ZAP70: variants seen among roughly 807,000 people sequenced by gnomAD.
The protein encoded by ZAP70 is tyrosine-protein kinase ZAP-70.
Under a neutral mutation model 65.8 loss-of-function variants are expected in ZAP70, and 27 were observed. That is an observed-to-expected ratio of 0.41 (90% CI 0.30 to 0.57). The LOEUF (loss-of-function observed/expected upper bound fraction) is 0.57, where lower values mean the gene tolerates loss of function less well. ZAP70 is among the 20% of genes least tolerant of loss of function. The pLI is 0.28. For synonymous variants in ZAP70, 363 were observed against 360.8 expected (o/e 1.01, Z -0.07); for missense variants, 696 against 870.5 (o/e 0.80, Z 2.52).
the ZAP70 span, among the ~76,000 whole-genome samples, chr2:97,749,251 C>T: frequency 3.9e-5 from 6 of 152,130 alleles, no homozygotes; most frequent in South Asian, 2.1e-4. Context: ...CCTCGGGATC[C>T]GCCTGCCTCG....
At chr2:97,743,675 CTT>C (rs1678183927), downstream of ZAP70, among the ~76,000 whole-genome samples, 1 of 152,162 alleles carries the variant, frequency 6.6e-6, no homozygotes, top group Admixed American at 6.5e-5. Context: ...TTCTTTATCT[CTT>C]TGAGTTTTTA....
chr2:97,747,815 G>GTTTTT, the ZAP70 span, among the ~76,000 whole-genome samples: 189 of 54,798 alleles, frequency 3.4e-3, 22 homozygotes, highest in Middle Eastern at 0.024. Context: ...CTGGCACGAG[G>GTTTTT]TTTTTTTTTT....
At chr2:97,749,432 T>C in the ZAP70 span, among the ~76,000 whole-genome samples, 1 of 152,178 alleles carries the variant, frequency 6.6e-6, no homozygotes, top group African/African-American at 2.4e-5. Context: ...GACAAGGGAA[T>C]GATGGCAATA....
the ZAP70 span, among the ~76,000 whole-genome samples, chr2:97,751,290 G>C: frequency 6.6e-6 from 1 of 152,124 alleles, no homozygotes; most frequent in Non-Finnish European, 1.5e-5. Context: ...CGTAGAGGCG[G>C]GTGTGTTTTG....
intron 2 of ZAP70, among the ~76,000 whole-genome samples, chr2:97,719,037 G>A (rs1677059017): frequency 6.6e-6 from 1 of 152,154 alleles, no homozygotes; most frequent in Admixed American, 6.5e-5. Flanking sequence ...AGAGGGCTGG[G>A]GAGATCCAAT....
Position 97,737,899 on chromosome 2 carries a change from C to T in ZAP70, c.1623+2C>T. The T allele has an allele frequency of 6.2e-7, 1 of 1,614,106 alleles. No individual in the cohort carries two copies. ...TCCTACGGCCAGAAGCCCTACAAGGCAGGCGCGGGCAGAGGCAGGTGGGCG... is the reference window on the plus strand; with the variant it reads ...TCCTACGGCCAGAAGCCCTACAAGGTAGGCGCGGGCAGAGGCAGGTGGGCG... On this transcript the variant is annotated splice_donor_variant, in intron 12 of 13. Transcript: ENST00000264972. LOFTEE classifies it low-confidence loss of function (GC_TO_GT_DONOR). This position sits in a 1 kb window ranked among gnomAD's most constrained non-coding sequence, Gnocchi z 5.0.
At chr2:97,739,137 G>A (rs985734986) in intron 13 of ZAP70, among the ~76,000 whole-genome samples, 3 of 152,146 alleles carry the variant, frequency 2.0e-5, no homozygotes, top group Admixed American at 2.0e-4. Context: ...CTCGGTAGAG[G>A]GGTCATCCCA....
Position 97,717,082 on chromosome 2 carries a change from C to T in ZAP70, c.-22+3088C>T, listed in dbSNP as rs183716791. Among the ~76,000 whole-genome samples the T allele has an allele frequency of 6.6e-5, 10 of 152,352 alleles. No homozygotes were observed. In the East Asian group the frequency reaches 1.2e-3, roughly 18 times the overall value. On this transcript the variant is annotated intron_variant, in intron 2 of 13. Coordinates refer to ENST00000264972, the MANE Select transcript of ZAP70 (RefSeq NM_001079.4). ...GTGGCTCATGGCGTCACCAAGCTGGCGTGTGCTGACGACCAGTGCCTATGC... is the reference window on the plus strand; with the variant it reads ...GTGGCTCATGGCGTCACCAAGCTGGTGTGTGCTGACGACCAGTGCCTATGC...
At position 97,735,495 on chromosome 2, in the gene ZAP70, C is replaced by T. The variant is rs752596486; in HGVS notation, c.1289+39C>T. 6 of 1,589,144 alleles carry T rather than the reference C, an allele frequency of 3.8e-6. No homozygotes were observed. In the Admixed American group the frequency reaches 8.5e-5, roughly 23 times the overall value. On this transcript the variant is annotated intron_variant, in intron 10 of 13. Coordinates refer to ENST00000264972, the MANE Select transcript of ZAP70 (RefSeq NM_001079.4). ...GGGCCCGGCCATCGGGTGGGTGGGGCCGGGGCCCATCCTGGGCATGGTGGA... is the reference window on the plus strand; with the variant it reads ...GGGCCCGGCCATCGGGTGGGTGGGGTCGGGGCCCATCCTGGGCATGGTGGA...
rs113688581 is a variant in ZAP70 at position 97,734,302 on chromosome 2, C to T, written c.890-218C>T. The T allele has an allele frequency of 1.6e-5, 22 of 1,355,784 alleles. No homozygotes were observed. The African/African-American group carries it at 2.1e-4, about 13-fold the overall frequency. The allele number at this position is 1,355,784 out of a possible 1,614,324, so 84.0% of individuals were successfully genotyped here. A position where few individuals can be genotyped will look rare whatever the true frequency, so the allele number is the denominator to read the frequency against. On this transcript the variant is annotated intron_variant, in intron 8 of 13. Transcript: ENST00000264972. ...ATACCAATGCACACGCCCCTAGAGT[C>T]CACCCTCATGTGGCTTCATGGGGCA...
chr2:97,722,244 C>A (rs1404818028), intron 2 of ZAP70, among the ~76,000 whole-genome samples: 1 of 151,938 alleles, frequency 6.6e-6, no homozygotes, highest in Non-Finnish European at 1.5e-5. Flanking sequence ...CCACCTCTGG[C>A]TAATTTTTTG....
In ZAP70 at chr2:97,734,677, T is replaced by C; in HGVS notation, c.1047T>C (p.Phe349=). 6.2e-7 allele frequency: 1 copy of C among 1,614,128 alleles called. No homozygotes were observed. The highest frequency in any genetic ancestry group is 1.3e-5 in the African/African-American group (1 of 75,074). ...ACATTGAACTTGGCTGCGGCAACTT[T>C]GGCTCAGTGCGCCAGGGCGTGTACC... ...IADIELGCGN[F]GSVRQGVYRM... is the part of the protein sequence containing the mutation. The change falls in exon 9 of 14, where the codon TTT becomes TTC. Residue 349 remains phenylalanine, a synonymous_variant. Transcript: ENST00000264972.
At chr2:97,723,240 G>T (rs1472698742) in intron 2 of ZAP70, among the ~76,000 whole-genome samples, 1 of 152,242 alleles carries the variant, frequency 6.6e-6, no homozygotes, top group Non-Finnish European at 1.5e-5. Context: ...TCCAATTAGC[G>T]TATGCTCTGT....
At chr2:97,755,855 C>CA in the ZAP70 span, among the ~76,000 whole-genome samples, 1 of 152,214 alleles carries the variant, frequency 6.6e-6, no homozygotes, top group African/African-American at 2.4e-5. Context: ...GAGTTGGACA[C>CA]AGACTGTTCC....
chr2:97,751,627 G>C, the ZAP70 span, among the ~76,000 whole-genome samples: 21 of 152,184 alleles, frequency 1.4e-4, no homozygotes, highest in African/African-American at 4.8e-4. Flanking sequence ...GTATGTCTTA[G>C]TCCCTTTGTG....
the ZAP70 span, among the ~76,000 whole-genome samples, chr2:97,755,212 G>C: frequency 6.6e-6 from 1 of 152,122 alleles, no homozygotes; most frequent in Admixed American, 6.5e-5. Flanking sequence ...CTCGCCTCGT[G>C]TCTGTGTGAA....
At chr2:97,741,938 G>A (rs2104715372), downstream of ZAP70, among the ~76,000 whole-genome samples, 1 of 152,356 alleles carries the variant, frequency 6.6e-6, no homozygotes, top group Non-Finnish European at 1.5e-5. Flanking sequence ...CAGCTGAGAG[G>A]GGCCAATCTG....
the ZAP70 span, among the ~76,000 whole-genome samples, chr2:97,751,869 A>G: frequency 1.3e-5 from 2 of 152,204 alleles, no homozygotes; most frequent in African/African-American, 4.8e-5. Flanking sequence ...TGTGGGCACT[A>G]AGGGTGAGCA....
At chr2:97,746,892 C>T in the ZAP70 span, among the ~76,000 whole-genome samples, 1 of 152,172 alleles carries the variant, frequency 6.6e-6, no homozygotes, top group East Asian at 1.9e-4. Context: ...AAAAGACAGT[C>T]TAAGTAAAAA....
Sources: allele counts gnomAD v4.1 joint callset (sites outside exome capture counted in the v4.1 genomes callset), GRCh38; gene constraint gnomAD v4.1.1; non-coding constraint Gnocchi (gnomAD v3.1); transcripts MANE v1.5; gene names NCBI Gene and HGNC (gene_info 2026-07-23, HGNC 2026-07-21).